Variants in RASGRP1 observed in about 807,000 individuals in gnomAD.
RASGRP1 encodes the protein RAS guanyl-releasing protein 1.
A neutral mutation model predicts 95.1 loss-of-function variants in RASGRP1; 37 were observed. The ratio of observed to expected loss-of-function variants is 0.39; its 90% confidence interval spans 0.30 to 0.51. The LOEUF (loss-of-function observed/expected upper bound fraction) is 0.51, where lower values mean the gene tolerates loss of function less well. RASGRP1 is among the 20% of genes least tolerant of loss of function. RASGRP1 has a pLI of 0.80. For missense variants in RASGRP1, 711 were observed against 965.4 expected (o/e 0.74, Z 3.49); for synonymous variants, 325 against 353.4 (o/e 0.92, Z 0.90).
intron 1 of RASGRP1, among the ~76,000 whole-genome samples, chr15:38,562,528 T>C (rs1158336560): frequency 1.3e-5 from 2 of 152,268 alleles, no homozygotes; most frequent in East Asian, 3.8e-4. Flanking sequence ...TACTCAGCTT[T>C]CTGCCCCAGC....
At chr15:38,508,256 G>T (rs754249107) in intron 8 of RASGRP1, among the ~76,000 whole-genome samples, 1 of 152,128 alleles carries the variant, frequency 6.6e-6, no homozygotes, top group Non-Finnish European at 1.5e-5. Context: ...ATAAATCGGG[G>T]TTTTATCATT....
intron 2 of RASGRP1, among the ~76,000 whole-genome samples, chr15:38,536,787 A>G (rs1394177976): frequency 6.6e-6 from 1 of 152,258 alleles, no homozygotes; most frequent in African/African-American, 2.4e-5. Flanking sequence ...TTAATTGCTT[A>G]TAATTCTCTG....
At chr15:38,511,486 C>T (rs1270196346) in intron 8 of RASGRP1, 118 bp downstream of exon 8, 4 of 732,378 alleles carry the variant, frequency 5.5e-6, no homozygotes, top group Non-Finnish European at 9.4e-6. Context: ...GCCACTTAGC[C>T]TGGTTGACAA....
intron 3 of RASGRP1, among the ~76,000 whole-genome samples, chr15:38,523,454 T>C (rs557345152): frequency 6.6e-6 from 1 of 152,346 alleles, no homozygotes; most frequent in Admixed American, 6.5e-5. Context: ...AGCTGTACAC[T>C]GTGTAGAGTC....
chr15:38,542,660 A>G (rs1892913837), intron 2 of RASGRP1, among the ~76,000 whole-genome samples: 1 of 151,360 alleles, frequency 6.6e-6, no homozygotes, highest in African/African-American at 2.4e-5. Context: ...GTGCCTGCCT[A>G]TATTACAGAC....
At position 38,497,391 on chromosome 15, in the gene RASGRP1, C is replaced by CTT. The variant is rs34772920; in HGVS notation, c.1873+1401_1873+1402dup. Reference sequence around the variant, plus strand: ...TCTCTTACCTAAATCGCCTTAACACCTTTTTTTTTTTCCCACTATCCCAAT... The same window carrying CTT: ...TCTCTTACCTAAATCGCCTTAACACCTTTTTTTTTTTTTCCCACTATCCCAAT... On this transcript the variant is annotated intron_variant, in intron 15 of 16. Transcript: ENST00000310803. Among the ~76,000 whole-genome samples the CTT allele has an allele frequency of 2.8e-3, 423 of 148,764 alleles. 4 individuals are homozygous for CTT. The highest frequency in any genetic ancestry group is 9.7e-3 in the African/African-American group (393 of 40,642).
At chr15:38,546,925 C>G (rs565250856) in intron 2 of RASGRP1, among the ~76,000 whole-genome samples, 1 of 152,154 alleles carries the variant, frequency 6.6e-6, no homozygotes, top group Non-Finnish European at 1.5e-5. Flanking sequence ...CGAGACTTTA[C>G]GTTTTATTGA....
intron 2 of RASGRP1, among the ~76,000 whole-genome samples, chr15:38,541,668 GATA>G (rs2141167357): frequency 6.6e-6 from 1 of 152,236 alleles, no homozygotes; most frequent in South Asian, 2.1e-4. Flanking sequence ...CTAACCCACG[GATA>G]ATACCATCAA....
chr15:38,515,784 C>A (rs1471513613), intron 6 of RASGRP1, among the ~76,000 whole-genome samples: 1 of 150,800 alleles, frequency 6.6e-6, no homozygotes, highest in African/African-American at 2.4e-5. Context: ...CCGCACCCCC[C>A]CCCCTTTTTT....
At chr15:38,526,263 C>A in intron 3 of RASGRP1, 36 bp downstream of exon 3, 1 of 1,530,874 alleles carries the variant, frequency 6.5e-7, no homozygotes, top group South Asian at 1.1e-5. Context: ...GGGTGGATCC[C>A]ATTTTGGGAT....
At chr15:38,503,578 G>A in intron 10 of RASGRP1, 1 of 583,962 alleles carries the variant, frequency 1.7e-6, no homozygotes, top group Non-Finnish European at 3.0e-6. Flanking sequence ...GGTTTCCAGA[G>A]TGCTCTTCAC....
At chr15:38,556,563 G>T (rs755145202) in intron 2 of RASGRP1, among the ~76,000 whole-genome samples, 1 of 152,046 alleles carries the variant, frequency 6.6e-6, no homozygotes, top group Non-Finnish European at 1.5e-5. Flanking sequence ...TTTCCTTTGC[G>T]ACAAACATCT....
At chr15:38,522,793 G>T (rs748463942) in intron 3 of RASGRP1, among the ~76,000 whole-genome samples, 1 of 152,166 alleles carries the variant, frequency 6.6e-6, no homozygotes, top group Non-Finnish European at 1.5e-5. Context: ...GGAAAAACTC[G>T]CTGGGAACAG....
Position 38,532,118 on chromosome 15 carries a change from G to A in RASGRP1, c.221-5714C>T, listed in dbSNP as rs117745499. 7.9e-3 allele frequency among the ~76,000 whole-genome samples: 1,197 copies of A among 152,262 alleles called. 9 individuals carry two copies. Among genetic ancestry groups the A allele is most frequent in the Middle Eastern group, 0.034 (10 of 294 alleles). ...CTGCTAGATTTTATTTTCATATTTT[G>A]AGATAATTGCTGCAAGCTGATTTAA... On this transcript the variant is annotated intron_variant, in intron 2 of 16. Coordinates refer to ENST00000310803, the MANE Select transcript of RASGRP1 (RefSeq NM_005739.4).
chr15:38,506,083 T>C (rs1294945467), intron 9 of RASGRP1, among the ~76,000 whole-genome samples, 163 bp from the exon 10 acceptor site: 1 of 151,994 alleles, frequency 6.6e-6, no homozygotes, highest in Non-Finnish European at 1.5e-5. Flanking sequence ...ACTATTGCAA[T>C]AGGGCAAGCA....
intron 1 of RASGRP1, among the ~76,000 whole-genome samples, chr15:38,562,189 G>C (rs1371557279): frequency 6.6e-6 from 1 of 152,170 alleles, no homozygotes; most frequent in African/African-American, 2.4e-5. Flanking sequence ...GGCTGAAAAG[G>C]TCAATTCAAT....
intron 8 of RASGRP1, among the ~76,000 whole-genome samples, chr15:38,509,682 A>C (rs746095657): frequency 6.6e-6 from 1 of 152,156 alleles, no homozygotes; most frequent in Non-Finnish European, 1.5e-5. Flanking sequence ...GCTGAGACTG[A>C]GCCACTGCAC....
intron 2 of RASGRP1, among the ~76,000 whole-genome samples, chr15:38,555,341 G>T (rs1013143700): frequency 1.3e-5 from 2 of 152,194 alleles, no homozygotes; most frequent in African/African-American, 4.8e-5. Context: ...AGAATATCAG[G>T]CAGACACCTG....
At chr15:38,540,752 G>A (rs544383900) in intron 2 of RASGRP1, among the ~76,000 whole-genome samples, 1 of 152,262 alleles carries the variant, frequency 6.6e-6, no homozygotes, top group East Asian at 1.9e-4. Flanking sequence ...GAATTTTAAG[G>A]TCATTGTGCA....
Sources: allele counts gnomAD v4.1 joint callset (sites outside exome capture counted in the v4.1 genomes callset), GRCh38; gene constraint gnomAD v4.1.1; transcripts MANE v1.5; gene names NCBI Gene and HGNC (gene_info 2026-07-23, HGNC 2026-07-21).